ANKRD17: variants seen among roughly 807,000 people sequenced by gnomAD.
ANKRD17 encodes the protein ankyrin repeat domain-containing protein 17.
ANKRD17 carries 19 observed loss-of-function variants against 229.7 expected under a neutral mutation model. That is an observed-to-expected ratio of 0.08 (90% confidence interval 0.06 to 0.12). The LOEUF (loss-of-function observed/expected upper bound fraction) is 0.12. Ranked by LOEUF, ANKRD17 falls within the 10% of genes least tolerant of loss-of-function variation. The pLI is 1.00. For synonymous variants in ANKRD17, 1,112 were observed against 1,146.1 expected (o/e 0.97, Z 0.60); for missense variants, 2,176 against 3,176.8 (o/e 0.68, Z 7.57).
At chr4:73,176,069 T>C (rs969346137) in intron 2 of ANKRD17, among the ~76,000 whole-genome samples, 1 of 149,638 alleles carries the variant, frequency 6.7e-6, no homozygotes, top group African/African-American at 2.4e-5. Flanking sequence ...TGACAATGAA[T>C]TGATAACCAG....
chr4:73,240,486 A>G (rs987189633), intron 1 of ANKRD17, among the ~76,000 whole-genome samples: 90 of 151,510 alleles, frequency 5.9e-4, no homozygotes, highest in African/African-American at 2.0e-3. Flanking sequence ...TTAGCTAGGC[A>G]TGGTGGCATG....
rs141615596 is a variant in ANKRD17, at chr4:73,147,679, C to T, written c.1568-247G>A. 1.5e-3 allele frequency among the ~76,000 whole-genome samples: 227 copies of T among 151,740 alleles called. 1 individual carries two copies. The highest frequency in any genetic ancestry group is 5.2e-3 in the African/African-American group (216 of 41,378). On this transcript the variant is annotated intron_variant, in intron 8 of 33. Transcript: ENST00000358602. ...ATTTACTCAGCCAGAAGGTACAAGT[C>T]GGGTGATAAAAGAACTCAAAAAAAT...
At chr4:73,084,873 AT>A (rs1025088606) in intron 30 of ANKRD17, among the ~76,000 whole-genome samples, 26 of 152,026 alleles carry the variant, frequency 1.7e-4, no homozygotes, top group African/African-American at 5.3e-4. Flanking sequence ...ACAAGGATTA[AT>A]TTTTTTCCCC....
At chr4:73,232,273 C>T (rs1743116831) in intron 1 of ANKRD17, among the ~76,000 whole-genome samples, 1 of 152,108 alleles carries the variant, frequency 6.6e-6, no homozygotes, top group Non-Finnish European at 1.5e-5. Context: ...ACCTTGCCTC[C>T]AGTAGTTGTA....
chr4:73,133,732 TTA>T (rs927504936), intron 16 of ANKRD17, among the ~76,000 whole-genome samples: 22 of 152,042 alleles, frequency 1.4e-4, no homozygotes, highest in African/African-American at 5.3e-4. Context: ...TAGATGGTAG[TTA>T]AGAGTGTCTT....
intron 23 of ANKRD17, 47 bp downstream of exon 23, chr4:73,115,774 T>C (rs1725867554): frequency 2.8e-6 from 4 of 1,423,602 alleles, no homozygotes; most frequent in East Asian, 2.3e-5. Context: ...ATGGAAGATA[T>C]ATTAACCGAA....
intron 16 of ANKRD17, among the ~76,000 whole-genome samples, chr4:73,133,492 G>A (rs1728505136): frequency 6.8e-6 from 1 of 147,662 alleles, no homozygotes; most frequent in Non-Finnish European, 1.5e-5. Flanking sequence ...CCGGATTAAA[G>A]TGATTCTCCT....
intron 29 of ANKRD17, among the ~76,000 whole-genome samples, chr4:73,086,919 A>AAAAAAAAAAAAAAATATATAGATAT (rs1553911000): frequency 8.0e-5 from 1 of 12,464 alleles, no homozygotes; most frequent in Non-Finnish European, 1.8e-4. Context: ...AAAAAAAAAA[A>AAAAAAAAAAAAAAATATATAGATAT]ATATATATAT....
At chr4:73,153,741 C>T in intron 6 of ANKRD17, 139 bp downstream of exon 6, 1 of 545,328 alleles carries the variant, frequency 1.8e-6, no homozygotes, top group Non-Finnish European at 2.9e-6. Context: ...AACTGCAACA[C>T]TGCAAACACT....
Position 73,091,543 on chromosome 4 carries a change from A to G in ANKRD17, c.6085T>C (p.Tyr2029His). The stretch of plus-strand genomic sequence containing the variant: ...TGTTCTTTGGCAGTAGGCATAGGAT[A>G]TGTGGCATTTGTGGGTGCAGTGTTG... ...NNNTAPTNAT[Y>H]PMPTAKEHYP... Residue 2029 changes from tyrosine (Y) to histidine (H), a missense_variant, in exon 29 of 34, where the codon TAT (tyrosine) becomes CAT (histidine). Physicochemically the swap from Tyr to His is moderately conservative, Grantham distance 83 (BLOSUM62 2). Coordinates refer to ENST00000358602, the MANE Select transcript of ANKRD17 (RefSeq NM_032217.5). 1 of 1,614,176 alleles carries G rather than the reference A, an allele frequency of 6.2e-7. No individual in the cohort carries two copies. The highest frequency in any genetic ancestry group is 1.1e-5 in the South Asian group (1 of 91,092).
chr4:73,144,605 C>A, intron 11 of ANKRD17, 140 bp downstream of exon 11: 1 of 454,598 alleles, frequency 2.2e-6, no homozygotes, highest in South Asian at 6.8e-5. Context: ...TATCAACTAT[C>A]CACTCAATCA....
At chr4:73,258,796 ACTGCCGCCG>A (rs1357198390) in exon 1 of ANKRD17, 1 of 1,078,832 alleles carries the variant, frequency 9.3e-7, no homozygotes, top group Admixed American at 6.5e-5. Context: ...GGTCACCTCT[ACTGCCGCCG>A]CCGCCGCCGC....
intron 1 of ANKRD17, among the ~76,000 whole-genome samples, chr4:73,230,780 A>G (rs1021992171): frequency 6.6e-6 from 1 of 152,214 alleles, no homozygotes; most frequent in Non-Finnish European, 1.5e-5. Context: ...AAACAAAGCA[A>G]TGCTGCCTCT....
chr4:73,202,045 C>G (rs529623801), intron 1 of ANKRD17, among the ~76,000 whole-genome samples: 12 of 151,974 alleles, frequency 7.9e-5, no homozygotes, highest in Non-Finnish European at 1.6e-4. Flanking sequence ...CTTTATTAGC[C>G]ATGAAAGATT....
intron 1 of ANKRD17, among the ~76,000 whole-genome samples, chr4:73,230,582 T>C (rs1742947562): frequency 2.6e-5 from 4 of 152,200 alleles, no homozygotes; most frequent in Admixed American, 2.6e-4. Flanking sequence ...AATGATTTTT[T>C]TCTCTAATTG....
In ANKRD17 at chr4:73,077,104, C is replaced by A. The variant is rs769405311; in HGVS notation, c.7588G>T (p.Gly2530Cys). ...TTCCCATACACAGAAAAAGGCATAC[C>A]CTTAAAAAAGGAAAACACACACATT... ...AGYMDFPKVG[G>C]MPFSVYGNAM... is the part of the protein sequence containing the mutation. Residue 2530 changes from glycine (G) to cysteine (C), a missense_variant and splice_region_variant, in exon 33 of 34, where the codon GGT becomes TGT. Coordinates refer to ENST00000358602, the MANE Select transcript of ANKRD17 (RefSeq NM_032217.5). The A allele has an allele frequency of 6.4e-7, 1 of 1,559,310 alleles. No homozygotes were observed. The highest frequency in any genetic ancestry group is 1.2e-5 in the South Asian group (1 of 82,306).
intron 29 of ANKRD17, among the ~76,000 whole-genome samples, chr4:73,088,809 T>C (rs745961780): frequency 6.6e-6 from 1 of 152,162 alleles, no homozygotes; most frequent in Non-Finnish European, 1.5e-5. Flanking sequence ...TGTCCCGGAA[T>C]GTCATATTTC....
chr4:73,249,361 G>A (rs1406841891), intron 1 of ANKRD17, among the ~76,000 whole-genome samples: 2 of 152,170 alleles, frequency 1.3e-5, no homozygotes, highest in Non-Finnish European at 2.9e-5. Context: ...AGGAAAGGGG[G>A]AGGCAAAATT....
chr4:73,143,231 C>G (rs1729825404), intron 11 of ANKRD17, among the ~76,000 whole-genome samples: 1 of 152,054 alleles, frequency 6.6e-6, no homozygotes, highest in Non-Finnish European at 1.5e-5. Context: ...TTAGTAAATT[C>G]CTGACAAGGA....
Sources: gnomAD v4.1 joint callset for allele counts (sites outside exome capture counted in the v4.1 genomes callset) on GRCh38, gnomAD v4.1.1 for gene constraint, MANE v1.5 for transcripts, NCBI Gene and HGNC (gene_info 2026-07-23, HGNC 2026-07-21) for gene names.